Variants in GPR160 observed in about 807,000 individuals in gnomAD.
GPR160 encodes the protein G protein-coupled receptor 160.
Under a neutral mutation model 2.6 loss-of-function variants are expected in GPR160, and 2 were observed. That is an observed-to-expected ratio of 0.77 (90% CI 0.32 to 2.44). GPR160 has a LOEUF of 2.44. Ranked by LOEUF, GPR160 falls within the 30% of genes most tolerant of loss-of-function variation. GPR160 has a pLI of 0.11. For synonymous variants in GPR160, 130 were observed against 132.2 expected (o/e 0.98, Z 0.12); for missense variants, 351 against 383.6 (o/e 0.91, Z 0.71).
At chr3:170,068,526 G>A (rs1166342256) in intron 2 of GPR160, among the ~76,000 whole-genome samples, 1 of 152,124 alleles carries the variant, frequency 6.6e-6, no homozygotes, top group Admixed American at 6.5e-5. Flanking sequence ...TTCAGAGTTT[G>A]CACCTGTTGG....
At chr3:170,072,067 C>CTTTTT (rs1202875086) in intron 2 of GPR160, among the ~76,000 whole-genome samples, 355 of 85,972 alleles carry the variant, frequency 4.1e-3, no homozygotes, top group African/African-American at 8.3e-3. Flanking sequence ...TGTATACAAG[C>CTTTTT]TTTTTTTTTT....
At chr3:170,043,848 CT>C (rs1409017205) in intron 2 of GPR160, among the ~76,000 whole-genome samples, 1 of 151,986 alleles carries the variant, frequency 6.6e-6, no homozygotes, top group Non-Finnish European at 1.5e-5. Flanking sequence ...GTCAAATATT[CT>C]GCCCTAACGA....
In GPR160 at chr3:170,071,404, C is replaced by T. The variant is rs868137677; in HGVS notation, c.-192-8370C>T. ...AGATGCCTGTTCCCCTTTTGCCTTC[C>T]GCCATGGTTGTAAACTTCCTGAGGC... On this transcript the variant is annotated intron_variant, in intron 2 of 3. Coordinates refer to ENST00000355897, the MANE Select transcript of GPR160 (RefSeq NM_014373.3). Among the ~76,000 whole-genome samples the T allele has an allele frequency of 7.2e-5, 11 of 152,294 alleles. No homozygotes were observed. In the Middle Eastern group the frequency reaches 0.01, roughly 141 times the overall value.
At chr3:170,072,736 T>C (rs1236506272) in intron 2 of GPR160, among the ~76,000 whole-genome samples, 1 of 152,056 alleles carries the variant, frequency 6.6e-6, no homozygotes, top group East Asian at 1.9e-4. Flanking sequence ...CTCATTACTG[T>C]GGGGAGGGCA....
intron 2 of GPR160, among the ~76,000 whole-genome samples, chr3:170,043,074 G>T (rs1300382406): frequency 2.0e-5 from 3 of 151,944 alleles, no homozygotes; most frequent in Admixed American, 1.3e-4. Context: ...GTAGAGACGG[G>T]GTTTCGCCAT....
intron 2 of GPR160, among the ~76,000 whole-genome samples, chr3:170,061,902 A>G (rs1262481262): frequency 6.6e-6 from 1 of 152,130 alleles, no homozygotes; most frequent in Non-Finnish European, 1.5e-5. Context: ...GAATCCCAGC[A>G]CTTTGGGAGG....
rs1354058995 is a variant in GPR160 at position 170,063,740 on chromosome 3, CT to C, written c.-192-16033del. On this transcript the variant is annotated intron_variant, in intron 2 of 3. Coordinates refer to ENST00000355897, the MANE Select transcript of GPR160 (RefSeq NM_014373.3). Reference sequence around the variant, plus strand: ...CTCCAAGCTCTTGTTCTCCTAACATCTGGACAGGCGCTCTTTGAAGTGTATG... The same window carrying C: ...CTCCAAGCTCTTGTTCTCCTAACATCGGACAGGCGCTCTTTGAAGTGTATG... 2.6e-5 allele frequency among the ~76,000 whole-genome samples: 4 copies of C among 152,072 alleles called. No homozygotes were observed. In the East Asian group the frequency reaches 5.8e-4, roughly 22 times the overall value.
At chr3:170,061,039 C>T (rs1454933274) in intron 2 of GPR160, among the ~76,000 whole-genome samples, 1 of 152,064 alleles carries the variant, frequency 6.6e-6, no homozygotes, top group Non-Finnish European at 1.5e-5. Context: ...CTTTGGGAGG[C>T]CCAGGAGGGT....
At chr3:170,048,521 A>G (rs1404519970) in intron 2 of GPR160, among the ~76,000 whole-genome samples, 1 of 150,162 alleles carries the variant, frequency 6.7e-6, no homozygotes, top group Non-Finnish European at 1.5e-5. Context: ...TTAAAATATT[A>G]GAGAACTAAG....
intron 2 of GPR160, among the ~76,000 whole-genome samples, chr3:170,043,586 T>G (rs1339949884): frequency 6.6e-6 from 1 of 152,212 alleles, no homozygotes; most frequent in East Asian, 1.9e-4. Context: ...CCTGAGGTCT[T>G]GCAGCTAGAT....
Position 170,067,338 on chromosome 3 carries a change from A to G in GPR160, c.-192-12436A>G, listed in dbSNP as rs80116580. On this transcript the variant is annotated intron_variant, in intron 2 of 3. Transcript: ENST00000355897. ...TAAGAGTGATGCTGATCCTTCTTTC[A>G]TATGTTTAAGAGCCCATTTATCCTC... is the stretch of plus-strand genomic sequence containing the variant. 3.4e-3 allele frequency among the ~76,000 whole-genome samples: 513 copies of G among 152,182 alleles called. 1 individual carries two copies. Among genetic ancestry groups the G allele is most frequent in the Non-Finnish European group, 5.9e-3 (404 of 67,992 alleles).
intron 2 of GPR160, among the ~76,000 whole-genome samples, chr3:170,078,905 ATAGCTTCCG>A (rs1712995224): frequency 6.6e-6 from 1 of 152,128 alleles, no homozygotes; most frequent in Admixed American, 6.5e-5. Flanking sequence ...AAGGCTCTAC[ATAGCTTCCG>A]GGGGAGAATA....
chr3:170,072,745 C>T (rs1403933692), intron 2 of GPR160, among the ~76,000 whole-genome samples: 1 of 152,140 alleles, frequency 6.6e-6, no homozygotes, highest in Non-Finnish European at 1.5e-5. Flanking sequence ...GTGGGGAGGG[C>T]ACCAAGTCAT....
chr3:170,071,219 G>A (rs986223728), intron 2 of GPR160, among the ~76,000 whole-genome samples: 1 of 152,212 alleles, frequency 6.6e-6, no homozygotes, highest in South Asian at 2.1e-4. Context: ...GATGGGGCCT[G>A]TTAGGAGGTA....
At chr3:170,058,522 T>C (rs1033540784) in intron 2 of GPR160, among the ~76,000 whole-genome samples, 4 of 152,192 alleles carry the variant, frequency 2.6e-5, no homozygotes, top group African/African-American at 4.8e-5. Context: ...ACAACAGATT[T>C]CTCATCAGCA....
In GPR160 at chr3:170,083,953, C is replaced by T; in HGVS notation, c.-20C>T. ...TATCATGTGTATTTCAGCAGGTCTT[C>T]TTGAAATTTAACTAAAAATATGACT... On this transcript the variant is annotated 5_prime_UTR_variant, in exon 4 of 4. Coordinates refer to ENST00000355897, the MANE Select transcript of GPR160 (RefSeq NM_014373.3). 1.4e-6 allele frequency: 2 copies of T among 1,394,026 alleles called. No homozygotes were observed. The highest frequency in any genetic ancestry group is 1.9e-6 in the Non-Finnish European group (2 of 1,054,964). 86.4% of individuals were successfully genotyped at this position (1,394,026 alleles called of 1,614,324 possible).
At chr3:170,047,834 TC>T (rs1460114092) in intron 2 of GPR160, among the ~76,000 whole-genome samples, 14 of 146,028 alleles carry the variant, frequency 9.6e-5, no homozygotes, top group Admixed American at 2.0e-4. Flanking sequence ...AGGACATTAT[TC>T]TTTTTTTTTT....
chr3:170,067,962 A>C (rs2108335573), intron 2 of GPR160, among the ~76,000 whole-genome samples: 1 of 152,222 alleles, frequency 6.6e-6, no homozygotes, highest in East Asian at 1.9e-4. Flanking sequence ...TCAGAGATTT[A>C]ATGAAACTCA....
chr3:170,061,255 A>G (rs1711936377), intron 2 of GPR160, among the ~76,000 whole-genome samples: 1 of 151,402 alleles, frequency 6.6e-6, no homozygotes, highest in Non-Finnish European at 1.5e-5. Flanking sequence ...AGCCTGGGTG[A>G]CAGAGTGAGA....
Sources: allele counts gnomAD v4.1 joint callset (sites outside exome capture counted in the v4.1 genomes callset), GRCh38; gene constraint gnomAD v4.1.1; transcripts MANE v1.5; gene names NCBI Gene and HGNC (gene_info 2026-07-23, HGNC 2026-07-21).